SDHAF2: variants seen among roughly 807,000 people sequenced by gnomAD.
SDHAF2 encodes the protein succinate dehydrogenase assembly factor 2, mitochondrial.
In SDHAF2, 21 loss-of-function variants were observed where a neutral mutation model predicts 18.5. That is an observed-to-expected ratio of 1.13 (90% CI 0.80 to 1.63). The LOEUF is 1.63. SDHAF2 is among the 40% of genes most tolerant of loss of function. The probability of loss-of-function intolerance (pLI) is 0.00; values close to 1 mark genes in which losing one functional copy is unlikely to be tolerated. For synonymous variants in SDHAF2, 84 were observed against 70.7 expected (o/e 1.19, Z -0.94); for missense variants, 195 against 200.3 (o/e 0.97, Z 0.16).
At position 61,446,239 on chromosome 11, in the gene SDHAF2, C is replaced by G; in HGVS notation, c.*168C>G. On this transcript the variant is annotated 3_prime_UTR_variant, in exon 4 of 4. Coordinates refer to ENST00000301761, the MANE Select transcript of SDHAF2 (RefSeq NM_017841.4). Reference sequence around the variant, plus strand: ...CTCTCCTAGGACATACATGTAAATGCACAATGTGACTCATTCTCATACTTT... The same window carrying G: ...CTCTCCTAGGACATACATGTAAATGGACAATGTGACTCATTCTCATACTTT... 1.4e-6 allele frequency: 1 copy of G among 728,012 alleles called. No homozygotes were observed. 45.1% of individuals were successfully genotyped at this position (728,012 alleles called of 1,614,324 possible). A position where few individuals can be genotyped will look rare whatever the true frequency, so the allele number is the denominator to read the frequency against.
chr11:61,444,884 C>T (rs185915080), intron 3 of SDHAF2, among the ~76,000 whole-genome samples: 2 of 152,250 alleles, frequency 1.3e-5, no homozygotes, highest in East Asian at 1.9e-4. Context: ...CCTTAGGTTT[C>T]GTCTGTTGGG....
intron 3 of SDHAF2, among the ~76,000 whole-genome samples, chr11:61,438,946 A>G (rs1862031569): frequency 6.6e-6 from 1 of 152,186 alleles, no homozygotes; most frequent in Non-Finnish European, 1.5e-5. Flanking sequence ...TGGGAGGCTG[A>G]GGCAAGAGAA....
chr11:61,434,357 T>C (rs562607407), intron 1 of SDHAF2: 1 of 152,300 alleles, frequency 6.6e-6, no homozygotes, highest in East Asian at 1.9e-4. Context: ...TTTTGTACTT[T>C]TAGTAGAGAC....
In SDHAF2 at chr11:61,430,163, T is replaced by A. The variant is rs1565125251; in HGVS notation, c.17T>A (p.Val6Glu). MAVST[V>E]FSTSSLMLAL... is the part of the protein sequence containing the mutation. ...GTGGGGAAAATGGCGGTGTCTACAG[T>A]GTTCTCGACTTCGTCGCTGGTGAGG... is the stretch of plus-strand genomic sequence containing the variant. The change falls in exon 1 of 4, where the codon GTG becomes GAG. Residue 6 changes from valine to glutamate, a missense_variant. Coordinates refer to ENST00000301761, the MANE Select transcript of SDHAF2 (RefSeq NM_017841.4). The A allele has an allele frequency of 6.2e-7, 1 of 1,614,214 alleles. No individual in the cohort carries two copies. The highest frequency in any genetic ancestry group is 1.7e-5 in the Admixed American group (1 of 60,028).
intron 3 of SDHAF2, among the ~76,000 whole-genome samples, chr11:61,445,192 T>A (rs937676194): frequency 2.0e-5 from 3 of 152,172 alleles, no homozygotes; most frequent in Non-Finnish European, 4.4e-5. Flanking sequence ...GCCTCGGCTT[T>A]GGCAGTGGGA....
intron 1 of SDHAF2, chr11:61,436,635 C>G: frequency 2.8e-6 from 1 of 352,600 alleles, no homozygotes; most frequent in South Asian, 2.1e-5. Context: ...CATGATCATG[C>G]TTGAGCAGGG....
Position 61,446,271 on chromosome 11 carries a change from C to T in SDHAF2, c.*200C>T. 1 of 648,618 alleles carries T rather than the reference C, an allele frequency of 1.5e-6. No individual in the cohort carries two copies. Among genetic ancestry groups the T allele is most frequent in the Non-Finnish European group, 2.7e-6 (1 of 366,628 alleles). 40.2% of individuals were successfully genotyped at this position (648,618 alleles called of 1,614,324 possible). ...TGACTCATTCTCATACTTTTTTGTT[C>T]AGCTCTGAGCCTCAAAAGTGATTTG... is the stretch of plus-strand genomic sequence containing the variant. On this transcript the variant is annotated 3_prime_UTR_variant, in exon 4 of 4. Coordinates refer to ENST00000301761, the MANE Select transcript of SDHAF2 (RefSeq NM_017841.4).
Position 61,446,593 on chromosome 11 carries a change from A to T in SDHAF2, c.*522A>T. On this transcript the variant is annotated 3_prime_UTR_variant, in exon 4 of 4. Coordinates refer to ENST00000301761, the MANE Select transcript of SDHAF2 (RefSeq NM_017841.4). ...CTCCTGAGCTGAATCCTTCAAAGGC[A>T]CAGCAGGCAGAATGAGGGCCACAGG... 2.8e-5 allele frequency: 12 copies of T among 434,140 alleles called. No individual in the cohort carries two copies. The allele number at this position is 434,140 out of a possible 1,614,324, so 26.9% of individuals were successfully genotyped here.
rs577579854 is a variant in SDHAF2, at chr11:61,437,557, G to A, written c.37-68G>A. ...ATTGAATGCATTCAGCACCTAGTAA[G>A]CATTGAGTAAATGATAGCGATGATA... On this transcript the variant is annotated intron_variant, in intron 1 of 3. Transcript: ENST00000301761. 7.1e-5 allele frequency: 93 copies of A among 1,314,720 alleles called. 1 individual carries two copies. The African/African-American group carries it at 1.2e-3, about 18-fold the overall frequency. The allele number at this position is 1,314,720 out of a possible 1,614,324, so 81.4% of individuals were successfully genotyped here.
At chr11:61,440,764 T>A (rs750145427) in intron 3 of SDHAF2, among the ~76,000 whole-genome samples, 2 of 152,186 alleles carry the variant, frequency 1.3e-5, no homozygotes, top group Non-Finnish European at 2.9e-5. Flanking sequence ...TCGACCTTTG[T>A]AGCATGAAAG....
chr11:61,437,550 C>A, intron 1 of SDHAF2, 75 bp from the exon 2 acceptor site: 2 of 1,256,970 alleles, frequency 1.6e-6, no homozygotes, highest in Non-Finnish European at 2.3e-6. Context: ...CATTCAGCAC[C>A]TAGTAAGCAT....
At chr11:61,441,961 G>A (rs1303956401) in intron 3 of SDHAF2, among the ~76,000 whole-genome samples, 1 of 150,426 alleles carries the variant, frequency 6.6e-6, no homozygotes, top group Non-Finnish European at 1.5e-5. Context: ...ATGGCTCAGT[G>A]CAGGCTCCAC....
In SDHAF2 at chr11:61,442,519, TATATACATAG is replaced by T. The variant is rs1366262016; in HGVS notation, c.371-3421_371-3412del. Among the ~76,000 whole-genome samples the T allele has an allele frequency of 7.2e-5, 11 of 152,360 alleles. No individual in the cohort carries two copies. In the East Asian group the frequency reaches 2.1e-3, roughly 29 times the overall value. The stretch of plus-strand genomic sequence containing the variant: ...CTTTGGTTTCTAGCCGTTTCAATAT[TATATACATAG>T]GTATTTATTTGATATTTATATATGT... On this transcript the variant is annotated intron_variant, in intron 3 of 3. Coordinates refer to ENST00000301761, the MANE Select transcript of SDHAF2 (RefSeq NM_017841.4).
chr11:61,430,568 G>T (rs1242798068), intron 1 of SDHAF2: 9 of 310,026 alleles, frequency 2.9e-5, no homozygotes, highest in Non-Finnish European at 5.4e-5. Context: ...ATAATTGTAC[G>T]TGTTTATGGG....
At chr11:61,440,435 A>G (rs1448199936) in intron 3 of SDHAF2, among the ~76,000 whole-genome samples, 2 of 152,054 alleles carry the variant, frequency 1.3e-5, no homozygotes, top group Non-Finnish European at 2.9e-5. Context: ...CCCCGTTTCT[A>G]CTAAAACGAC....
At chr11:61,437,505 A>G (rs1349267659) in intron 1 of SDHAF2, 120 bp from the exon 2 acceptor site, 24 of 917,584 alleles carry the variant, frequency 2.6e-5, no homozygotes, top group East Asian at 2.4e-4. Flanking sequence ...CCTGGCCAGC[A>G]GTGTAATTTC....
intron 1 of SDHAF2, chr11:61,435,297 A>G (rs765557408): frequency 1.2e-4 from 18 of 152,216 alleles, no homozygotes; most frequent in East Asian, 3.9e-4. Context: ...TTCAAGCTCA[A>G]TGTTCAAGTT....
chr11:61,435,660 A>G (rs957188463), intron 1 of SDHAF2: 2 of 152,112 alleles, frequency 1.3e-5, no homozygotes, highest in African/African-American at 2.4e-5. Flanking sequence ...TCAGGAGCCC[A>G]TAATCTCTTG....
Position 61,446,596 on chromosome 11 carries a change from G to A in SDHAF2, c.*525G>A, listed in dbSNP as rs1814813954. The A allele has an allele frequency of 4.6e-6, 2 of 432,766 alleles. No homozygotes were observed. The highest frequency in any genetic ancestry group is 8.2e-6 in the Non-Finnish European group (2 of 245,254). 26.8% of individuals were successfully genotyped at this position (432,766 alleles called of 1,614,324 possible). A position where few individuals can be genotyped will look rare whatever the true frequency, so the allele number is the denominator to read the frequency against. ...CTGAGCTGAATCCTTCAAAGGCACAGCAGGCAGAATGAGGGCCACAGGCAG... is the reference window on the plus strand; with the variant it reads ...CTGAGCTGAATCCTTCAAAGGCACAACAGGCAGAATGAGGGCCACAGGCAG... On this transcript the variant is annotated 3_prime_UTR_variant, in exon 4 of 4. Coordinates refer to ENST00000301761, the MANE Select transcript of SDHAF2 (RefSeq NM_017841.4).
Sources: gnomAD v4.1 joint callset for allele counts (sites outside exome capture counted in the v4.1 genomes callset) on GRCh38, gnomAD v4.1.1 for gene constraint, MANE v1.5 for transcripts, NCBI Gene and HGNC (gene_info 2026-07-23, HGNC 2026-07-21) for gene names.